Variants in EIF3M observed in about 807,000 individuals in gnomAD.
The protein encoded by EIF3M is eukaryotic translation initiation factor 3 subunit M.
Under a neutral mutation model 49.7 loss-of-function variants are expected in EIF3M, and 25 were observed. That is an observed-to-expected ratio of 0.50 (90% CI 0.37 to 0.70). The LOEUF (loss-of-function observed/expected upper bound fraction) is 0.70. EIF3M is among the 30% of genes least tolerant of loss of function. EIF3M has a pLI of 0.00. For missense variants in EIF3M, 350 were observed against 440.0 expected, an observed-to-expected ratio of 0.80 and a Z score of 1.83; for synonymous variants, 156 against 149.8, an observed-to-expected ratio of 1.04 and a Z score of -0.30.
intron 8 of EIF3M, among the ~76,000 whole-genome samples, chr11:32,596,679 G>C (rs1855185851): frequency 6.6e-6 from 1 of 152,000 alleles, no homozygotes; most frequent in South Asian, 2.1e-4. Flanking sequence ...GATGAGGTGG[G>C]TGGATCACTT....
At position 32,605,615 on chromosome 11, in the gene EIF3M, TGGAAA is replaced by T. The variant is rs1359358352; in HGVS notation, c.*3221_*3225del. 3 of 152,188 alleles carry T rather than the reference TGGAAA, an allele frequency of 2.0e-5. No homozygotes were observed. The East Asian group carries it at 5.8e-4, about 29-fold the overall frequency. The allele number at this position is 152,188 out of a possible 1,614,324, so 9.4% of individuals were successfully genotyped here. A position where few individuals can be genotyped will look rare whatever the true frequency, so the allele number is the denominator to read the frequency against. On this transcript the variant is annotated 3_prime_UTR_variant, in exon 11 of 11. Coordinates refer to ENST00000531120, the MANE Select transcript of EIF3M (RefSeq NM_006360.6). ...TTCTTTGACTTTTTTATCTTGATGA[TGGAAA>T]GGAAGGACACGTTTACTTGCTTTAG... is the stretch of plus-strand genomic sequence containing the variant.
Position 32,603,192 on chromosome 11 carries a change from A to G in EIF3M, c.*793A>G, listed in dbSNP as rs892408916. The G allele has an allele frequency of 1.9e-6, 1 of 525,728 alleles. No homozygotes were observed. The highest frequency in any genetic ancestry group is 3.3e-6 in the Non-Finnish European group (1 of 302,970). The allele number at this position is 525,728 out of a possible 1,614,324, so 32.6% of individuals were successfully genotyped here. ...GTATACAATGTGAATGTGTAGGCTTATGTAGTAGATCTTCAAAATCTCTAA... is the reference window on the plus strand; with the variant it reads ...GTATACAATGTGAATGTGTAGGCTTGTGTAGTAGATCTTCAAAATCTCTAA... On this transcript the variant is annotated 3_prime_UTR_variant, in exon 11 of 11. Coordinates refer to ENST00000531120, the MANE Select transcript of EIF3M (RefSeq NM_006360.6).
intron 8 of EIF3M, among the ~76,000 whole-genome samples, chr11:32,600,336 A>C (rs1349066747): frequency 6.6e-6 from 1 of 151,530 alleles, no homozygotes; most frequent in African/African-American, 2.4e-5. Context: ...CTAAATAGAA[A>C]TTGTTCTTAT....
At chr11:32,597,437 T>A (rs1203133198) in intron 8 of EIF3M, among the ~76,000 whole-genome samples, 1 of 152,170 alleles carries the variant, frequency 6.6e-6, no homozygotes, top group African/African-American at 2.4e-5. Flanking sequence ...GAATTAGAAA[T>A]GGAAATGTAA....
At chr11:32,597,599 C>T (rs1371321506) in intron 8 of EIF3M, among the ~76,000 whole-genome samples, 1 of 151,998 alleles carries the variant, frequency 6.6e-6, no homozygotes, top group Non-Finnish European at 1.5e-5. Flanking sequence ...TGAGCAAACC[C>T]TACATATGTT....
intron 8 of EIF3M, 83 bp downstream of exon 8, chr11:32,596,130 AT>A (rs1482575675): frequency 9.2e-7 from 1 of 1,081,250 alleles, no homozygotes; most frequent in South Asian, 1.8e-5. Flanking sequence ...TCCAGCAAGT[AT>A]GGCTGTGGCC....
chr11:32,586,919 G>A, intron 1 of EIF3M, 93 bp from the exon 2 acceptor site: 2 of 1,448,046 alleles, frequency 1.4e-6, no homozygotes, highest in Admixed American at 2.2e-5. Context: ...GTTGAATACA[G>A]TATTTCCGTT....
intron 2 of EIF3M, among the ~76,000 whole-genome samples, chr11:32,588,067 T>C (rs1330158948): frequency 6.6e-6 from 1 of 152,220 alleles, no homozygotes; most frequent in Non-Finnish European, 1.5e-5. Context: ...TTTATATACA[T>C]GTAAATCAGT....
Position 32,602,472 on chromosome 11 carries a change from A to C in EIF3M, c.*73A>C, listed in dbSNP as rs1590533412. On this transcript the variant is annotated 3_prime_UTR_variant, in exon 11 of 11. Transcript: ENST00000531120. The stretch of plus-strand genomic sequence containing the variant: ...ATAGTAAAACATTATAAACTAAAAA[A>C]ATTTGCCTAGTCTGGACAGTTATTG... 1.3e-6 allele frequency: 2 copies of C among 1,533,080 alleles called. No individual in the cohort carries two copies. The highest frequency in any genetic ancestry group is 1.8e-6 in the Non-Finnish European group (2 of 1,138,818). 95.0% of individuals were successfully genotyped at this position (1,533,080 alleles called of 1,614,324 possible).
At chr11:32,588,827 T>C in intron 3 of EIF3M, 95 bp downstream of exon 3, 15 of 1,575,444 alleles carry the variant, frequency 9.5e-6, no homozygotes, top group Non-Finnish European at 1.3e-5. Flanking sequence ...GGAACTTGAC[T>C]CTCAGCTGTG....
rs112654391 is a variant in EIF3M at position 32,588,555 on chromosome 11, G to A, written c.176-39G>A. The A allele has an allele frequency of 4.1e-3, 6,647 of 1,604,942 alleles. 236 individuals carry two copies. The African/African-American group carries it at 0.073, about 18-fold the overall frequency. Reference sequence around the variant, plus strand: ...TATTTAACTAGACGCATTGAGTATTGTAGTATCACTGTTGATTGTGTTATC... The same window carrying A: ...TATTTAACTAGACGCATTGAGTATTATAGTATCACTGTTGATTGTGTTATC... On this transcript the variant is annotated intron_variant, in intron 2 of 10. Transcript: ENST00000531120.
chr11:32,601,681 A>T lies in EIF3M; in HGVS notation c.944-81A>T, dbSNP rs1035676188. ...ACAGTATAAAGTTTTATTATGGCTT[A>T]CTTGGTCACAGTTTTCATACCTTAG... On this transcript the variant is annotated intron_variant, in intron 9 of 10. Coordinates refer to ENST00000531120, the MANE Select transcript of EIF3M (RefSeq NM_006360.6). 5.2e-5 allele frequency: 67 copies of T among 1,293,826 alleles called. 1 individual carries two copies. The highest frequency in any genetic ancestry group is 6.8e-5 in the Non-Finnish European group (62 of 913,528). The allele number at this position is 1,293,826 out of a possible 1,614,324, so 80.1% of individuals were successfully genotyped here. A position where few individuals can be genotyped will look rare whatever the true frequency, so the allele number is the denominator to read the frequency against.
chr11:32,605,160 CTTTTTTTTT>C lies in EIF3M; in HGVS notation c.*2773_*2781del, dbSNP rs548347158. ...AGCCACCCTGCCCGACCTAGTAATA[CTTTTTTTTT>C]TTTTTTTTTTTAATGAACTTAAATG... is the stretch of plus-strand genomic sequence containing the variant. On this transcript the variant is annotated 3_prime_UTR_variant, in exon 11 of 11. Transcript: ENST00000531120. 2.4e-5 allele frequency: 3 copies of C among 125,698 alleles called. No individual in the cohort carries two copies. The highest frequency in any genetic ancestry group is 1.7e-5 in the Non-Finnish European group (1 of 58,990). 7.8% of individuals were successfully genotyped at this position (125,698 alleles called of 1,614,324 possible).
At chr11:32,590,712 T>C (rs1855087002) in intron 5 of EIF3M, among the ~76,000 whole-genome samples, 1 of 152,218 alleles carries the variant, frequency 6.6e-6, no homozygotes, top group African/African-American at 2.4e-5. Context: ...TTTTCTTCTT[T>C]AGAACACATA....
intron 9 of EIF3M, 101 bp downstream of exon 9, chr11:32,600,933 G>T (rs1435357193): frequency 1.6e-5 from 23 of 1,439,398 alleles, no homozygotes; most frequent in Non-Finnish European, 2.1e-5. Flanking sequence ...ACACAACAAA[G>T]ATTTGTTTAT....
intron 5 of EIF3M, among the ~76,000 whole-genome samples, chr11:32,590,496 C>A (rs1239013796): frequency 6.6e-6 from 1 of 152,174 alleles, no homozygotes; most frequent in Non-Finnish European, 1.5e-5. Flanking sequence ...CTACTTGTAT[C>A]CTAGCATTTA....
intron 5 of EIF3M, among the ~76,000 whole-genome samples, chr11:32,591,358 TTG>T (rs1855100282): frequency 6.6e-6 from 1 of 152,262 alleles, no homozygotes. Context: ...AAGTTTTTCT[TTG>T]AATTTTTATA....
At chr11:32,598,145 C>T (rs903449299) in intron 8 of EIF3M, among the ~76,000 whole-genome samples, 5 of 152,094 alleles carry the variant, frequency 3.3e-5, no homozygotes, top group African/African-American at 7.2e-5. Flanking sequence ...TCTTTATTTA[C>T]GCACCAAGGA....
chr11:32,599,993 GAATT>G (rs1398464376), intron 8 of EIF3M, among the ~76,000 whole-genome samples: 2 of 151,754 alleles, frequency 1.3e-5, no homozygotes, highest in African/African-American at 4.8e-5. Context: ...TGCAAAATTT[GAATT>G]ATTTGTGCAA....
Sources: allele counts gnomAD v4.1 joint callset (sites outside exome capture counted in the v4.1 genomes callset), GRCh38; gene constraint gnomAD v4.1.1; transcripts MANE v1.5; gene names NCBI Gene and HGNC (gene_info 2026-07-23, HGNC 2026-07-21).